Variants in ADAM12 observed in about 807,000 individuals in gnomAD.
ADAM12 encodes disintegrin and metalloproteinase domain-containing protein 12.
A neutral mutation model predicts 106.4 loss-of-function variants in ADAM12; 70 were observed. That is an observed-to-expected ratio of 0.66 (90% confidence interval 0.54 to 0.80). ADAM12 has a LOEUF of 0.80. Ranked by LOEUF, ADAM12 falls within the 30% of genes least tolerant of loss-of-function variation. The pLI is 0.00. For missense variants in ADAM12, 1,010 were observed against 1,171.9 expected (o/e 0.86, Z 2.02); for synonymous variants, 420 against 433.5 (o/e 0.97, Z 0.39).
chr10:126,070,963 T>C (rs533681220), intron 12 of ADAM12, among the ~76,000 whole-genome samples: 23 of 152,340 alleles, frequency 1.5e-4, no homozygotes, highest in Non-Finnish European at 2.8e-4. Context: ...CCTTCACTTA[T>C]TGCTTCTGAA....
At chr10:126,285,617 C>T (rs1406165223) in intron 2 of ADAM12, among the ~76,000 whole-genome samples, 3 of 152,220 alleles carry the variant, frequency 2.0e-5, no homozygotes, top group East Asian at 3.9e-4. Flanking sequence ...GGAGATAAAC[C>T]CCAAGACTGA....
At chr10:126,173,550 G>A (rs1332940798) in intron 3 of ADAM12, among the ~76,000 whole-genome samples, 1 of 152,164 alleles carries the variant, frequency 6.6e-6, no homozygotes, top group African/African-American at 2.4e-5. Flanking sequence ...TCCTCTGTGG[G>A]GCAAAATCAC....
chr10:126,095,469 G>A (rs1279069822), intron 10 of ADAM12, among the ~76,000 whole-genome samples: 1 of 140,642 alleles, frequency 7.1e-6, no homozygotes, highest in Non-Finnish European at 1.5e-5. Context: ...GGGAGGCGGA[G>A]CTTGCAGTGA....
chr10:126,143,433 ATG>A (rs770093990), intron 4 of ADAM12, among the ~76,000 whole-genome samples: 13 of 147,276 alleles, frequency 8.8e-5, no homozygotes, highest in Non-Finnish European at 1.9e-4. Flanking sequence ...GTGTATATGT[ATG>A]TGTGTATATG....
At chr10:126,080,817 A>G (rs1448156210) in intron 11 of ADAM12, among the ~76,000 whole-genome samples, 2 of 152,214 alleles carry the variant, frequency 1.3e-5, no homozygotes, top group Non-Finnish European at 2.9e-5. Flanking sequence ...TCACAGCTTC[A>G]TATTTTAGCC....
chr10:126,270,150 C>G (rs1959168771), intron 3 of ADAM12, among the ~76,000 whole-genome samples: 1 of 152,144 alleles, frequency 6.6e-6, no homozygotes, highest in African/African-American at 2.4e-5. Flanking sequence ...AGTTAATTCC[C>G]TGAGTCTATA....
intron 4 of ADAM12, among the ~76,000 whole-genome samples, chr10:126,147,877 T>G (rs1956657802): frequency 6.6e-6 from 1 of 152,240 alleles, no homozygotes; most frequent in African/African-American, 2.4e-5. Flanking sequence ...TCATGGTACC[T>G]GCGTAGTGCA....
chr10:126,258,861 A>G (rs551315069), intron 3 of ADAM12, among the ~76,000 whole-genome samples: 2 of 152,288 alleles, frequency 1.3e-5, no homozygotes, highest in East Asian at 3.9e-4. Flanking sequence ...CAGTGCACGT[A>G]ACAGCATAAT....
chr10:126,189,520 C>G (rs1312303224), intron 3 of ADAM12, among the ~76,000 whole-genome samples: 2 of 152,206 alleles, frequency 1.3e-5, no homozygotes, highest in Non-Finnish European at 2.9e-5. Context: ...ATACCACCAA[C>G]TCTTAGGACT....
At chr10:126,369,964 A>G (rs1856052797) in intron 1 of ADAM12, among the ~76,000 whole-genome samples, 1 of 152,220 alleles carries the variant, frequency 6.6e-6, no homozygotes, top group African/African-American at 2.4e-5. Context: ...TTTGCAGATT[A>G]TATTGCCTTC....
chr10:126,166,253 C>G lies in ADAM12; in HGVS notation c.261-10948G>C, dbSNP rs75763921. On this transcript the variant is annotated intron_variant, in intron 3 of 22. Transcript: ENST00000448723. ...TATCTGTTCATGAGCGAAGAGTTCA[C>G]AGACAGCCTTTTGGACTGCTGCAGA... is the stretch of plus-strand genomic sequence containing the variant. Among the ~76,000 whole-genome samples, 749 of 152,296 alleles carry G rather than the reference C, an allele frequency of 4.9e-3. 3 individuals are homozygous for G. Among genetic ancestry groups the G allele is most frequent in the Middle Eastern group, 0.017 (5 of 294 alleles).
At chr10:126,132,523 C>CA (rs775353128) in intron 5 of ADAM12, among the ~76,000 whole-genome samples, 1 of 56,166 alleles carries the variant, frequency 1.8e-5, no homozygotes, top group African/African-American at 8.4e-5. Context: ...GCTGCATGAA[C>CA]ACCCCCCCCC....
intron 11 of ADAM12, among the ~76,000 whole-genome samples, chr10:126,073,679 C>T (rs746724723): frequency 6.6e-5 from 10 of 152,264 alleles, no homozygotes; most frequent in Non-Finnish European, 1.5e-4. Context: ...CTATCAACCT[C>T]GGGCTATTAA....
chr10:126,149,523 A>C (rs1679008089), intron 4 of ADAM12, among the ~76,000 whole-genome samples: 1 of 152,216 alleles, frequency 6.6e-6, no homozygotes, highest in South Asian at 2.1e-4. Context: ...GTGTTGCCAA[A>C]GGAGATTAAC....
In ADAM12 at chr10:126,036,471, G is replaced by GAATT. The variant is rs1350076062; in HGVS notation, c.2350-150_2350-147dup. ...GAAATCAAGGATGTACACAAGAGGG[G>GAATT]AATTATTTTTGTATTTATTTAAACT... On this transcript the variant is annotated intron_variant, in intron 20 of 22. Coordinates refer to ENST00000448723, the MANE Select transcript of ADAM12 (RefSeq NM_001288973.2). The GAATT allele has an allele frequency of 4.1e-6, 3 of 723,216 alleles. No homozygotes were observed. The African/African-American group carries it at 5.6e-5, about 14-fold the overall frequency. The allele number at this position is 723,216 out of a possible 1,614,324, so 44.8% of individuals were successfully genotyped here.
intron 6 of ADAM12, 42 bp downstream of exon 6, chr10:126,117,996 C>G: frequency 6.2e-7 from 1 of 1,601,060 alleles, no homozygotes; most frequent in Non-Finnish European, 8.6e-7. Context: ...GTAGCTTGAG[C>G]TCCTAGCTTT....
intron 14 of ADAM12, among the ~76,000 whole-genome samples, chr10:126,063,442 C>T (rs2133475914): frequency 6.6e-6 from 1 of 152,316 alleles, no homozygotes; most frequent in South Asian, 2.1e-4. Flanking sequence ...GAGGTTTAGT[C>T]ATCAATTTCT....
At chr10:126,272,326 ATAAT>A (rs1212646479) in intron 3 of ADAM12, among the ~76,000 whole-genome samples, 1 of 152,246 alleles carries the variant, frequency 6.6e-6, no homozygotes, top group African/African-American at 2.4e-5. Context: ...ATTAATAAAG[ATAAT>A]TAATATGACA....
rs948788431 is a variant in ADAM12, at chr10:126,101,224, G to A, written c.759C>T (p.Asn253=). 2.5e-6 allele frequency: 4 copies of A among 1,614,004 alleles called. No individual in the cohort carries two copies. The highest frequency in any genetic ancestry group is 3.4e-6 in the Non-Finnish European group (4 of 1,180,002). The stretch of plus-strand genomic sequence containing the variant: ...CCACGCCTACCAACACGATCCGAAT[G>A]TTCAGTGGTCTGTAAAACTGGGCAA... ...NHVDKFYRPL[N]IRIVLVGVEV... Residue 253 remains asparagine, a synonymous_variant, in exon 9 of 23, where the codon AAC becomes AAT. Transcript: ENST00000448723.
Sources: allele counts gnomAD v4.1 joint callset (sites outside exome capture counted in the v4.1 genomes callset), GRCh38; gene constraint gnomAD v4.1.1; transcripts MANE v1.5; gene names NCBI Gene and HGNC (gene_info 2026-07-23, HGNC 2026-07-21).